The following BCL2L15 variants were observed in gnomAD, a reference collection of about 807,000 sequenced individuals.
BCL2L15 encodes the protein bcl-2-like protein 15.
In BCL2L15, 15 loss-of-function variants were observed where a neutral mutation model predicts 18.3. That is an observed-to-expected ratio of 0.82 (90% CI 0.55 to 1.26). The LOEUF is 1.26. Ranked by LOEUF, BCL2L15 falls within the 50% of genes most tolerant of loss-of-function variation. BCL2L15 has a pLI of 0.00. For missense variants in BCL2L15, 180 were observed against 201.7 expected (o/e 0.89, Z 0.65); for synonymous variants, 58 against 68.5 (o/e 0.85, Z 0.76).
At position 113,879,673 on chromosome 1, in the gene BCL2L15, T is replaced by C. The variant is rs1666812456; in HGVS notation, c.*1450A>G. 1 of 152,248 alleles carries C rather than the reference T, an allele frequency of 6.6e-6. No individual in the cohort carries two copies. The highest frequency in any genetic ancestry group is 2.1e-4 in the South Asian group (1 of 4,834). 9.4% of individuals were successfully genotyped at this position (152,248 alleles called of 1,614,324 possible). A position where few individuals can be genotyped will look rare whatever the true frequency, so the allele number is the denominator to read the frequency against. ...GAGTTTCAGTTACCAAGGAGAAATG[T>C]TGATTTAGAGAAGGGGTCAGCCAAC... On this transcript the variant is annotated 3_prime_UTR_variant, in exon 4 of 4. Transcript: ENST00000393316.
At chr1:113,887,165 TG>T in intron 1 of BCL2L15, 83 bp downstream of exon 1, 1 of 1,367,624 alleles carries the variant, frequency 7.3e-7, no homozygotes, top group Non-Finnish European at 1.0e-6. Context: ...CCCAAAGTGC[TG>T]GGATTACGGG....
intron 2 of BCL2L15, among the ~76,000 whole-genome samples, chr1:113,884,256 T>G (rs373671036): frequency 1.3e-5 from 2 of 152,338 alleles, no homozygotes; most frequent in South Asian, 4.1e-4. Context: ...ACAGCAATAC[T>G]TCTGTGATAT....
intron 3 of BCL2L15, chr1:113,881,380 T>C (rs1666875312): frequency 9.3e-7 from 1 of 1,074,352 alleles, no homozygotes; most frequent in African/African-American, 1.6e-5. Context: ...TTAGATACTA[T>C]TAAGGTGATT....
In BCL2L15 at chr1:113,886,688, T is replaced by G. The variant is rs781525849; in HGVS notation, c.128-30A>C. The G allele has an allele frequency of 2.6e-6, 4 of 1,561,600 alleles. No homozygotes were observed. In the African/African-American group the frequency reaches 5.5e-5, roughly 22 times the overall value. On this transcript the variant is annotated intron_variant, in intron 1 of 3. Transcript: ENST00000393316. ...GACAGAGGGAACACATTTGTTACAATGCTTGAAGCAATGGCAAGTCCCAGG... is the reference window on the plus strand; with the variant it reads ...GACAGAGGGAACACATTTGTTACAAGGCTTGAAGCAATGGCAAGTCCCAGG...
At position 113,879,454 on chromosome 1, in the gene BCL2L15, C is replaced by G. The variant is rs1327180598; in HGVS notation, c.*1669G>C. 1 of 152,350 alleles carries G rather than the reference C, an allele frequency of 6.6e-6. No individual in the cohort carries two copies. Among genetic ancestry groups the G allele is most frequent in the African/African-American group, 2.4e-5 (1 of 41,456 alleles). The allele number at this position is 152,350 out of a possible 1,614,324, so 9.4% of individuals were successfully genotyped here. The stretch of plus-strand genomic sequence containing the variant: ...ATCATAAGCTTTGCTTCCAATCACT[C>G]TCACTTGTAGGGCCAGAGAAATGGA... On this transcript the variant is annotated 3_prime_UTR_variant, in exon 4 of 4. Coordinates refer to ENST00000393316, the MANE Select transcript of BCL2L15 (RefSeq NM_001010922.3).
chr1:113,887,409 C>CG lies in BCL2L15; in HGVS notation c.-35dup. On this transcript the variant is annotated 5_prime_UTR_variant, in exon 1 of 4. Transcript: ENST00000393316. ...TTTGCTGTCAAGTTTTGCTTTTCCACGAAACAAGCAGTTTTCAGCCCAGCA... is the reference window on the plus strand; with the variant it reads ...TTTGCTGTCAAGTTTTGCTTTTCCACGGAAACAAGCAGTTTTCAGCCCAGCA... The CG allele has an allele frequency of 1.9e-6, 3 of 1,613,226 alleles. No homozygotes were observed. In the Middle Eastern group the frequency reaches 5.0e-4, roughly 267 times the overall value.
chr1:113,886,077 A>G (rs935662923), intron 2 of BCL2L15, among the ~76,000 whole-genome samples: 5 of 151,702 alleles, frequency 3.3e-5, no homozygotes, highest in East Asian at 1.9e-4. Context: ...ATAGATGGGC[A>G]TGGTAGCACT....
At chr1:113,881,598 C>G (rs1174338632) in intron 3 of BCL2L15, 175 bp downstream of exon 3, 1 of 1,428,882 alleles carries the variant, frequency 7.0e-7, no homozygotes, top group East Asian at 2.5e-5. Context: ...ACAGGCTGAG[C>G]TTCTGTCTGC....
rs781674664 is a variant in BCL2L15, at chr1:113,887,294, G to A, written c.82C>T (p.Gln28Ter). The stretch of plus-strand genomic sequence containing the variant: ...CAGCATAGGTTCCGGCTGGCAACCT[G>A]CAATGTTGGGCTCAAGAAGTCCATG... Reference protein sequence around the residue: ...LLMDFLSPTLQVASRNLCCVD... With the variant: ...LLMDFLSPTL The change falls in exon 1 of 4, where the codon CAG becomes TAG. Residue 28 changes from glutamine to a stop codon, truncating the protein, a stop_gained. Coordinates refer to ENST00000393316, the MANE Select transcript of BCL2L15 (RefSeq NM_001010922.3). LOFTEE classifies it high-confidence loss of function. 6.2e-7 allele frequency: 1 copy of A among 1,614,156 alleles called. No homozygotes were observed. Among genetic ancestry groups the A allele is most frequent in the South Asian group, 1.1e-5 (1 of 91,084 alleles).
chr1:113,881,872 G>A lies in BCL2L15; in HGVS notation c.375C>T (p.His125=), dbSNP rs915961005. 2 of 1,614,210 alleles carry A rather than the reference G, an allele frequency of 1.2e-6. No homozygotes were observed. The highest frequency in any genetic ancestry group is 2.7e-5 in the African/African-American group (2 of 75,050). The change falls in exon 3 of 4, where the codon CAC becomes CAT. Residue 125 remains histidine, a synonymous_variant. Transcript: ENST00000393316. ...CCTGTCCCACTACTTCAGGAGCAAT[G>A]TGAGCCATGTACTCAAGAAGTTTCA... ...VSVKLLEYMA[H]IAPEVVGQVA... is the part of the protein sequence containing the mutation.
At chr1:113,882,738 A>T (rs1666915793) in intron 2 of BCL2L15, among the ~76,000 whole-genome samples, 1 of 152,170 alleles carries the variant, frequency 6.6e-6, no homozygotes, top group African/African-American at 2.4e-5. Context: ...CAGGAGTTCA[A>T]GACTAGCCTG....
At chr1:113,882,965 A>C (rs1666923076) in intron 2 of BCL2L15, among the ~76,000 whole-genome samples, 1 of 131,608 alleles carries the variant, frequency 7.6e-6, no homozygotes, top group Admixed American at 8.5e-5. Flanking sequence ...AGAATTAATA[A>C]TAAAATAATA....
At chr1:113,886,792 G>C (rs1226817354) in intron 1 of BCL2L15, 134 bp from the exon 2 acceptor site, 1 of 795,486 alleles carries the variant, frequency 1.3e-6, no homozygotes, top group African/African-American at 1.7e-5. Context: ...TAAATGTTCT[G>C]TCAACACCAA....
chr1:113,884,712 G>A (rs905466084), intron 2 of BCL2L15, among the ~76,000 whole-genome samples: 1 of 124,278 alleles, frequency 8.0e-6, no homozygotes, highest in Non-Finnish European at 1.6e-5. Flanking sequence ...CCTGAGTTTA[G>A]GGCTGTTTCA....
chr1:113,887,124 C>T (rs1667060970), intron 1 of BCL2L15, 125 bp downstream of exon 1: 1 of 845,338 alleles, frequency 1.2e-6, no homozygotes, highest in Non-Finnish European at 1.8e-6. Flanking sequence ...TCTCAAACCC[C>T]TGACTTCAGG....
chr1:113,881,297 A>G, intron 3 of BCL2L15, 157 bp from the exon 4 acceptor site: 1 of 1,163,564 alleles, frequency 8.6e-7, no homozygotes, highest in Non-Finnish European at 1.2e-6. Flanking sequence ...TGACAGCATA[A>G]GTTCTGATGA....
intron 1 of BCL2L15, 113 bp from the exon 2 acceptor site, chr1:113,886,771 T>C: frequency 9.9e-7 from 1 of 1,011,230 alleles, no homozygotes; most frequent in Non-Finnish European, 1.4e-6. Flanking sequence ...TATCATGATC[T>C]CCCAAGAGCT....
At chr1:113,884,086 C>A (rs945140090) in intron 2 of BCL2L15, among the ~76,000 whole-genome samples, 26 of 152,136 alleles carry the variant, frequency 1.7e-4, no homozygotes, top group Non-Finnish European at 7.4e-5. Flanking sequence ...TACATAGTTT[C>A]AAAGTACCTC....
At chr1:113,881,610 C>T in intron 3 of BCL2L15, 163 bp downstream of exon 3, 1 of 1,433,662 alleles carries the variant, frequency 7.0e-7, no homozygotes, top group Non-Finnish European at 9.1e-7. Flanking sequence ...TCTGTCTGCT[C>T]CATTTTTCCA....
Sources: allele counts gnomAD v4.1 joint callset (sites outside exome capture counted in the v4.1 genomes callset), GRCh38; gene constraint gnomAD v4.1.1; transcripts MANE v1.5; gene names NCBI Gene and HGNC (gene_info 2026-07-23, HGNC 2026-07-21).